ARAP3: variants seen among roughly 807,000 people sequenced by gnomAD.
The protein encoded by ARAP3 is ArfGAP with RhoGAP domain, ankyrin repeat and PH domain 3, also known as arf-GAP with Rho-GAP domain, ANK repeat and PH domain-containing protein 3.
ARAP3 carries 82 observed loss-of-function variants against 169.2 expected under a neutral mutation model. That is an observed-to-expected ratio of 0.48 (90% CI 0.41 to 0.58). The LOEUF (loss-of-function observed/expected upper bound fraction) is 0.58. Among genes scored for constraint, ARAP3 ranks in the 20% least tolerant of loss-of-function variants. ARAP3 has a pLI of 0.00. For synonymous variants in ARAP3, 791 were observed against 800.3 expected, an observed-to-expected ratio of 0.99 and a Z score of 0.20; for missense variants, 1,764 against 2,018.0, an observed-to-expected ratio of 0.87 and a Z score of 2.41.
intron 29 of ARAP3, 30 bp from the exon 30 acceptor site, chr5:141,655,962 G>A: frequency 6.2e-7 from 1 of 1,613,938 alleles, no homozygotes; most frequent in Non-Finnish European, 8.5e-7. Context: ...ATCAGAGGGA[G>A]AGAGAGGGTC....
Position 141,670,683 on chromosome 5 carries a change from C to A in ARAP3, c.1991-55G>T, listed in dbSNP as rs1270927290. On this transcript the variant is annotated intron_variant, in intron 13 of 32. Transcript: ENST00000239440. The stretch of plus-strand genomic sequence containing the variant: ...AACCAAGTGCAACGGGATAACCTGA[C>A]CCCCTCTGGGGAAGGGATGAAATGG... 1.1e-5 allele frequency: 17 copies of A among 1,486,084 alleles called. No homozygotes were observed. The African/African-American group carries it at 1.2e-4, about 11-fold the overall frequency. 92.1% of individuals were successfully genotyped at this position (1,486,084 alleles called of 1,614,324 possible).
chr5:141,677,286 T>C (rs1256527407), intron 4 of ARAP3, among the ~76,000 whole-genome samples: 2 of 152,214 alleles, frequency 1.3e-5, no homozygotes, highest in Non-Finnish European at 2.9e-5. Flanking sequence ...TTTATATTTG[T>C]TATATTCATC....
chr5:141,672,856 C>T lies in ARAP3; in HGVS notation c.1163G>A (p.Arg388Gln), dbSNP rs575984491. The T allele has an allele frequency of 3.9e-5, 31 of 797,022 alleles. No individual in the cohort carries two copies. Among genetic ancestry groups the T allele is most frequent in the Non-Finnish European group, 5.0e-5 (25 of 498,384 alleles). 49.4% of individuals were successfully genotyped at this position (797,022 alleles called of 1,614,324 possible). Residue 388 changes from arginine to glutamine, a missense_variant, in exon 8 of 33, where the codon CGG (arginine) becomes CAG (glutamine). Coordinates refer to ENST00000239440, the MANE Select transcript of ARAP3 (RefSeq NM_022481.6). The surrounding 1 kb of genome is among the most constrained non-coding windows in gnomAD (Gnocchi z 4.9). ...LKEQRLLGHPRPPQPPRPLRT... is the reference protein window; with the variant it reads ...LKEQRLLGHPQPPQPPRPLRT... ...GAGGGGTCGGGGTGGTTGGGGGGGC[C>T]GGGGGTGGCCCAGGAGGCGCTGCTC...
Position 141,666,329 on chromosome 5 carries a change from C to A in ARAP3, c.2572+95G>T, listed in dbSNP as rs559402014. 50 of 1,187,236 alleles carry A rather than the reference C, an allele frequency of 4.2e-5. 1 individual carries two copies. The South Asian group carries it at 9.4e-4, about 22-fold the overall frequency. 73.5% of individuals were successfully genotyped at this position (1,187,236 alleles called of 1,614,324 possible). The stretch of plus-strand genomic sequence containing the variant: ...TTGTACCTGAAGCCACCATGTTCTG[C>A]TGTTTCCCATAAGAACCCCCAAATA... On this transcript the variant is annotated intron_variant, in intron 17 of 32. Transcript: ENST00000239440.
Position 141,666,527 on chromosome 5 carries a change from C to T in ARAP3, c.2469G>A (p.Gly823=), listed in dbSNP as rs754941012. ...TAPAPGLWLS[G]FGLLRGDHLF... ...GGTGGTCACCACGAAGGAGGCCAAA[C>T]CCTGACAGCCAGAGACCAGGGGCCG... is the stretch of plus-strand genomic sequence containing the variant. The change falls in exon 17 of 33, where the codon GGG becomes GGA. Residue 823 remains glycine (G), a synonymous_variant. Coordinates refer to ENST00000239440, the MANE Select transcript of ARAP3 (RefSeq NM_022481.6). 1 of 1,602,550 alleles carries T rather than the reference C, an allele frequency of 6.2e-7. No individual in the cohort carries two copies. Among genetic ancestry groups the T allele is most frequent in the Admixed American group, 1.7e-5 (1 of 58,364 alleles).
chr5:141,661,898 C>T, intron 20 of ARAP3, 109 bp from the exon 21 acceptor site: 2 of 1,472,682 alleles, frequency 1.4e-6, no homozygotes, highest in Non-Finnish European at 1.9e-6. Context: ...TGTCTCTGCC[C>T]CCTTCCCACC....
chr5:141,673,384 A>G lies in ARAP3; in HGVS notation c.972+17T>C. On this transcript the variant is annotated intron_variant, in intron 6 of 32. Transcript: ENST00000239440. ...CTCTCCCTCATCTCCATATCGTCAC[A>G]TCTCCCAGCCCCCCACCTTGTCACT... 6.2e-7 allele frequency: 1 copy of G among 1,613,564 alleles called. No homozygotes were observed. The highest frequency in any genetic ancestry group is 8.5e-7 in the Non-Finnish European group (1 of 1,179,888).
Position 141,672,938 on chromosome 5 carries a change from G to A in ARAP3, c.1094-13C>T, listed in dbSNP as rs371667742. 1 of 1,611,990 alleles carries A rather than the reference G, an allele frequency of 6.2e-7. No individual in the cohort carries two copies. Among genetic ancestry groups the A allele is most frequent in the African/African-American group, 1.3e-5 (1 of 75,048 alleles). ...ATGTCCCGCTGAGCTGGTGGGGATG[G>A]AGAAGCAGGTCAGTGGCTGTTGCTC... is the stretch of plus-strand genomic sequence containing the variant. On this transcript the variant is annotated splice_polypyrimidine_tract_variant and intron_variant, in intron 7 of 32. Coordinates refer to ENST00000239440, the MANE Select transcript of ARAP3 (RefSeq NM_022481.6). The surrounding 1 kb of genome is among the most constrained non-coding windows in gnomAD (Gnocchi z 4.9).
rs1210298290 is a variant in ARAP3 at position 141,670,538 on chromosome 5, G to T, written c.2081C>A (p.Pro694His). The T allele has an allele frequency of 1.6e-5, 26 of 1,613,998 alleles. No individual in the cohort carries two copies. Among genetic ancestry groups the T allele is most frequent in the Non-Finnish European group, 2.2e-5 (26 of 1,179,930 alleles). The change falls in exon 14 of 33, where the codon CCC becomes CAC. Residue 694 changes from proline (P) to histidine (H), a missense_variant. Pro to His is a moderately conservative substitution (Grantham distance 77). This residue lies in a region of ARAP3 where 1,112 missense variants were observed against 1,285.7 expected (regional missense o/e 0.86). Coordinates refer to ENST00000239440, the MANE Select transcript of ARAP3 (RefSeq NM_022481.6). ...YCSPVSNKAG[P>H]SPPRRGRDAP... ...ATCCCGGCCCCTGCGAGGGGGTGAG[G>T]GTCCAGCTTTGTTGCTGACGGGACT...
At chr5:141,655,257 CA>C (rs397883468) in intron 32 of ARAP3, 104 bp downstream of exon 32, 234 of 1,199,374 alleles carry the variant, frequency 2.0e-4, no homozygotes, top group Admixed American at 3.6e-4. Flanking sequence ...CACACACACA[CA>C]CCCCCTGATG....
In ARAP3 at chr5:141,655,486, G is replaced by A. The variant is rs2099909162; in HGVS notation, c.4111-86C>T. 4 of 1,576,252 alleles carry A rather than the reference G, an allele frequency of 2.5e-6. No homozygotes were observed. The Admixed American group carries it at 7.0e-5, about 28-fold the overall frequency. ...GCAACAGGAGACAGGGGTGGGGAAT[G>A]GGGGTGAAGAAGGCAGAAGGGAGGG... is the stretch of plus-strand genomic sequence containing the variant. On this transcript the variant is annotated intron_variant, in intron 31 of 32. Transcript: ENST00000239440.
At chr5:141,662,333 T>G in intron 19 of ARAP3, 78 bp from the exon 20 acceptor site, 1 of 1,371,290 alleles carries the variant, frequency 7.3e-7, no homozygotes, top group Non-Finnish European at 1.0e-6. Context: ...GTGGCCTCCC[T>G]ATGTGGTATG....
chr5:141,665,923 T>C (rs1174687109), intron 17 of ARAP3, among the ~76,000 whole-genome samples: 4 of 150,442 alleles, frequency 2.7e-5, no homozygotes, highest in African/African-American at 9.8e-5. Flanking sequence ...CCCAGCTACT[T>C]GGGAGGCTGA....
rs771299342 is a variant in ARAP3 at position 141,672,515 on chromosome 5, G to T, written c.1385+37C>A. The T allele has an allele frequency of 4.3e-6, 7 of 1,609,336 alleles. No homozygotes were observed. The highest frequency in any genetic ancestry group is 5.9e-6 in the Non-Finnish European group (7 of 1,177,604). On this transcript the variant is annotated intron_variant, in intron 9 of 32. Coordinates refer to ENST00000239440, the MANE Select transcript of ARAP3 (RefSeq NM_022481.6). The surrounding 1 kb of genome is among the most constrained non-coding windows in gnomAD (Gnocchi z 4.9). ...CTGCACCCTTGTGCCTCCCGCAAAA[G>T]TCCCCCAGCCTTGCCTCCCACTGGC...
intron 18 of ARAP3, 110 bp from the exon 19 acceptor site, chr5:141,665,195 C>G (rs1040244761): frequency 6.4e-7 from 1 of 1,565,540 alleles, no homozygotes; most frequent in East Asian, 2.2e-5. Flanking sequence ...CCCAAATCAT[C>G]CTGGAGCAAG....
chr5:141,655,641 G>A lies in ARAP3; in HGVS notation c.4090C>T (p.Leu1364Phe), dbSNP rs1308420704. The change falls in exon 31 of 33, where the codon CTC becomes TTC. Residue 1364 changes from leucine to phenylalanine, a missense_variant. This residue lies in a region of ARAP3 where 1,112 missense variants were observed against 1,285.7 expected (regional missense o/e 0.86). Coordinates refer to ENST00000239440, the MANE Select transcript of ARAP3 (RefSeq NM_022481.6). ...CTTACCAGGGTCTGATTGGCAGAGA[G>A]GAGGGTGGCTCCACTGTCATCCCCA... ...IRGDDSGATL[L>F]SANQTLRRLH... is the part of the protein sequence containing the mutation. 1.9e-6 allele frequency: 3 copies of A among 1,613,988 alleles called. No homozygotes were observed. The African/African-American group carries it at 4.0e-5, about 22-fold the overall frequency.
rs1253977589 is a variant in ARAP3, at chr5:141,664,910, G to A, written c.2800+12C>T. The A allele has an allele frequency of 6.3e-7, 1 of 1,574,806 alleles. No individual in the cohort carries two copies. The stretch of plus-strand genomic sequence containing the variant: ...ACCCCCATTGGCTCAGTACCAGCCA[G>A]TGCCTACTCACCATGCTGGGTAACA... On this transcript the variant is annotated intron_variant, in intron 19 of 32. Transcript: ENST00000239440.
chr5:141,654,152 C>A lies in ARAP3; in HGVS notation c.4433G>T (p.Arg1478Leu). 1 of 1,600,730 alleles carries A rather than the reference C, an allele frequency of 6.2e-7. No individual in the cohort carries two copies. The highest frequency in any genetic ancestry group is 1.3e-5 in the African/African-American group (1 of 74,878). ...GPPSKSSPQA[R>L]GSLEEQLLQE... ...GAGCAGCTGTTCCTCTAGGGACCCC[C>A]GTGCCTGGGGACTGCTCTTTGAAGG... is the stretch of plus-strand genomic sequence containing the variant. Residue 1478 changes from arginine (R) to leucine (L), a missense_variant, in exon 33 of 33, where the codon CGG becomes CTG. Arg to Leu is a moderately radical substitution (Grantham distance 102). Coordinates refer to ENST00000239440, the MANE Select transcript of ARAP3 (RefSeq NM_022481.6).
chr5:141,679,661 CAGG>C lies in ARAP3; in HGVS notation c.587-8_587-6del, dbSNP rs1382325256. The C allele has an allele frequency of 1.2e-6, 2 of 1,613,950 alleles. No homozygotes were observed. Among genetic ancestry groups the C allele is most frequent in the African/African-American group, 2.7e-5 (2 of 74,886 alleles). ...AACCAGGATCCATGATGTGCACTGG[CAGG>C]AGGAGAGGGGAACGCACAAGGAAGA... On this transcript the variant is annotated splice_polypyrimidine_tract_variant and splice_region_variant and intron_variant, in intron 3 of 32. Coordinates refer to ENST00000239440, the MANE Select transcript of ARAP3 (RefSeq NM_022481.6).
Sources: allele counts gnomAD v4.1 joint callset (sites outside exome capture counted in the v4.1 genomes callset), GRCh38; gene constraint gnomAD v4.1.1; regional missense constraint gnomAD v4.1.1; non-coding constraint Gnocchi (gnomAD v3.1); transcripts MANE v1.5; gene names NCBI Gene and HGNC (gene_info 2026-07-23, HGNC 2026-07-21).